RDX: variants seen among roughly 807,000 people sequenced by gnomAD.
RDX encodes radixin, also known as deafness, autosomal recessive 24.
Under a neutral mutation model 83.7 loss-of-function variants are expected in RDX, and 32 were observed. The ratio of observed to expected loss-of-function variants is 0.38; its 90% CI spans 0.29 to 0.51. The LOEUF (loss-of-function observed/expected upper bound fraction) is 0.51. RDX is among the 20% of genes least tolerant of loss of function. The pLI is 0.87. For missense variants in RDX, 600 were observed against 689.9 expected (o/e 0.87, Z 1.46); for synonymous variants, 229 against 222.7 (o/e 1.03, Z -0.25).
At chr11:110,262,673 C>T (rs1859853168) in intron 5 of RDX, among the ~76,000 whole-genome samples, 2 of 152,060 alleles carry the variant, frequency 1.3e-5, no homozygotes, top group Admixed American at 1.3e-4. Context: ...ACGTTTCACA[C>T]TTGACAATTA....
chr11:110,197,119 C>G (rs1275364002), intron 15 of RDX, among the ~76,000 whole-genome samples: 1 of 152,172 alleles, frequency 6.6e-6, no homozygotes, highest in East Asian at 1.9e-4. Context: ...AGGCTGGTCT[C>G]AAACTCCTGA....
chr11:110,262,097 T>C (rs1342190498), intron 5 of RDX, among the ~76,000 whole-genome samples: 3 of 152,168 alleles, frequency 2.0e-5, no homozygotes, highest in African/African-American at 7.2e-5. Context: ...TCCACCATAA[T>C]AGTCTGATTA....
intron 3 of RDX, among the ~76,000 whole-genome samples, chr11:110,272,045 TG>T (rs1860329566): frequency 6.6e-6 from 1 of 152,232 alleles, no homozygotes; most frequent in South Asian, 2.1e-4. Flanking sequence ...AAAACATAAA[TG>T]AATTTTGTGT....
At chr11:110,267,845 T>A (rs1237297255) in intron 3 of RDX, among the ~76,000 whole-genome samples, 2 of 150,280 alleles carry the variant, frequency 1.3e-5, no homozygotes, top group Non-Finnish European at 3.0e-5. Flanking sequence ...TTCTAGCTAA[T>A]CAGGAGGCTG....
intron 14 of RDX, among the ~76,000 whole-genome samples, chr11:110,205,369 C>A (rs1354609830): frequency 9.9e-6 from 1 of 100,638 alleles, no homozygotes; most frequent in African/African-American, 3.9e-5. Flanking sequence ...AAAATCCCCA[C>A]AAATTATGAG....
chr11:110,246,046 T>C (rs1201690879), intron 10 of RDX, among the ~76,000 whole-genome samples: 1 of 152,142 alleles, frequency 6.6e-6, no homozygotes, highest in Non-Finnish European at 1.5e-5. Flanking sequence ...AACAGGCATA[T>C]GCCACCACAC....
chr11:110,225,413 C>T (rs188355407), downstream of RDX, among the ~76,000 whole-genome samples: 13 of 152,120 alleles, frequency 8.5e-5, no homozygotes, highest in Admixed American at 6.5e-4. Flanking sequence ...ATTCCTACAA[C>T]AGAAAAATAA....
intron 1 of RDX, among the ~76,000 whole-genome samples, chr11:110,287,683 TG>T (rs1407134932): frequency 6.6e-6 from 1 of 152,154 alleles, no homozygotes. Context: ...AGAAGGGTAG[TG>T]AATACAGGGA....
intron 1 of RDX, among the ~76,000 whole-genome samples, chr11:110,295,569 A>G (rs1861415536): frequency 6.6e-6 from 1 of 151,786 alleles, no homozygotes; most frequent in South Asian, 2.1e-4. Context: ...AGGAAAAAAA[A>G]AAACCACCAA....
At chr11:110,263,041 G>T (rs1409700923) in intron 5 of RDX, among the ~76,000 whole-genome samples, 1 of 152,152 alleles carries the variant, frequency 6.6e-6, no homozygotes, top group Non-Finnish European at 1.5e-5. Context: ...TTGGGAGACC[G>T]AGGTGGGAGG....
intron 2 of RDX, among the ~76,000 whole-genome samples, chr11:110,275,578 GGTT>G (rs1161207672): frequency 6.6e-6 from 1 of 152,008 alleles, no homozygotes; most frequent in East Asian, 1.9e-4. Flanking sequence ...TTTTCTATTG[GGTT>G]GTTTTTTCTT....
chr11:110,191,512 G>A (rs1340294531), intron 15 of RDX, among the ~76,000 whole-genome samples: 1 of 152,174 alleles, frequency 6.6e-6, no homozygotes. Context: ...ACAAGACAAG[G>A]ATGCCCACTC....
chr11:110,197,198 C>G (rs1863236026), intron 15 of RDX, among the ~76,000 whole-genome samples: 1 of 152,132 alleles, frequency 6.6e-6, no homozygotes, highest in Admixed American at 6.5e-5. Flanking sequence ...TAGCGCCTGG[C>G]CTGTGCATGG....
At chr11:110,211,013 G>T (rs1863814580) in intron 14 of RDX, among the ~76,000 whole-genome samples, 1 of 151,994 alleles carries the variant, frequency 6.6e-6, no homozygotes, top group African/African-American at 2.4e-5. Flanking sequence ...AATGTAAATG[G>T]ACTAAATGAT....
At chr11:110,201,177 C>CAAA (rs34428422) in intron 14 of RDX, among the ~76,000 whole-genome samples, 18 of 82,010 alleles carry the variant, frequency 2.2e-4, no homozygotes, top group East Asian at 6.8e-4. Flanking sequence ...ACTCCCGTCT[C>CAAA]AAAAAAAAAA....
At position 110,284,708 on chromosome 11, in the gene RDX, A is replaced by T. The variant is rs867401324; in HGVS notation, c.-64-4952T>A. ...GCTAATTTTTTTTTGTATTTTTAGTAGAGACGGGGTTTCACCGTGTTAGCC... is the reference window on the plus strand; with the variant it reads ...GCTAATTTTTTTTTGTATTTTTAGTTGAGACGGGGTTTCACCGTGTTAGCC... On this transcript the variant is annotated intron_variant, in intron 1 of 13. Transcript: ENST00000645495. 6.6e-5 allele frequency among the ~76,000 whole-genome samples: 10 copies of T among 152,066 alleles called. No individual in the cohort carries two copies. In the East Asian group the frequency reaches 9.7e-4, roughly 15 times the overall value.
chr11:110,244,680 C>T (rs1029190147), intron 10 of RDX, among the ~76,000 whole-genome samples: 2 of 152,090 alleles, frequency 1.3e-5, no homozygotes, highest in African/African-American at 2.4e-5. Context: ...ACTAAAAACC[C>T]TTAAACTGTA....
chr11:110,285,801 AATAG>A (rs779138481), intron 1 of RDX, among the ~76,000 whole-genome samples: 20 of 151,902 alleles, frequency 1.3e-4, no homozygotes, highest in Admixed American at 5.2e-4. Context: ...TTAGTAGCAG[AATAG>A]ATAATTTCAT....
intron 1 of RDX, among the ~76,000 whole-genome samples, chr11:110,295,990 G>A (rs1463244200): frequency 4.6e-5 from 7 of 152,354 alleles, no homozygotes; most frequent in Middle Eastern, 3.4e-3. Context: ...GGAGGCCGGG[G>A]AACAAGTTCT....
Sources: gnomAD v4.1 joint callset for allele counts (sites outside exome capture counted in the v4.1 genomes callset) on GRCh38, gnomAD v4.1.1 for gene constraint, MANE v1.5 for transcripts, NCBI Gene and HGNC (gene_info 2026-07-23, HGNC 2026-07-21) for gene names.